Variants in SPOP observed in about 807,000 individuals in gnomAD.
SPOP encodes the protein speckle-type POZ protein.
SPOP carries 11 observed loss-of-function variants against 45.6 expected under a neutral mutation model. The observed-to-expected ratio is 0.24, with a 90% CI of 0.15 to 0.40. The LOEUF is 0.40. SPOP is among the 10% of genes least tolerant of loss of function. The probability of loss-of-function intolerance (pLI) is 1.00; values close to 1 mark genes in which losing one functional copy is unlikely to be tolerated. For missense variants in SPOP, 152 were observed against 465.6 expected, an observed-to-expected ratio of 0.33 and a Z score of 6.20; for synonymous variants, 166 against 166.3, an observed-to-expected ratio of 1.00 and a Z score of 0.01.
chr17:49,637,615 T>C (rs2072566134), intron 1 of SPOP, among the ~76,000 whole-genome samples: 1 of 152,190 alleles, frequency 6.6e-6, no homozygotes, highest in Non-Finnish European at 1.5e-5. Flanking sequence ...CCTCCCAAAG[T>C]GCTGGGATTA....
chr17:49,608,398 G>A (rs1275282243), intron 6 of SPOP, among the ~76,000 whole-genome samples: 2 of 152,136 alleles, frequency 1.3e-5, no homozygotes, highest in African/African-American at 2.4e-5. Flanking sequence ...TGAAGCGCAT[G>A]CTCACCTATG....
chr17:49,624,540 C>G (rs879425712), intron 1 of SPOP, among the ~76,000 whole-genome samples: 10 of 152,172 alleles, frequency 6.6e-5, no homozygotes, highest in Non-Finnish European at 1.0e-4. Context: ...GCAATCTTGG[C>G]TCACTACAAC....
At chr17:49,604,676 C>A (rs1021994645) in intron 8 of SPOP, among the ~76,000 whole-genome samples, 2 of 152,174 alleles carry the variant, frequency 1.3e-5, no homozygotes, top group Admixed American at 1.3e-4. Context: ...CCCATCCTCA[C>A]GCCAACTCTA....
chr17:49,653,506 T>C (rs1006751385), intron 1 of SPOP, among the ~76,000 whole-genome samples: 3 of 152,142 alleles, frequency 2.0e-5, no homozygotes, highest in African/African-American at 7.2e-5. Context: ...TGCCGAATGG[T>C]TTCCATGTTT....
intron 1 of SPOP, among the ~76,000 whole-genome samples, chr17:49,623,448 A>G (rs1458854333): frequency 6.6e-6 from 1 of 152,226 alleles, no homozygotes; most frequent in Non-Finnish European, 1.5e-5. Flanking sequence ...GGGTATTTAA[A>G]GTATATCTAT....
At chr17:49,671,086 G>A (rs1305219784) in intron 1 of SPOP, among the ~76,000 whole-genome samples, 3 of 152,032 alleles carry the variant, frequency 2.0e-5, no homozygotes, top group African/African-American at 4.8e-5. Flanking sequence ...TGGGGACAAC[G>A]GGGTGGTCAA....
chr17:49,650,243 G>A (rs764394925), intron 1 of SPOP, among the ~76,000 whole-genome samples: 4 of 152,052 alleles, frequency 2.6e-5, no homozygotes, highest in South Asian at 2.1e-4. Flanking sequence ...TAGTGGGACC[G>A]GGGAGATGAG....
At chr17:49,627,379 C>A (rs1412040317) in intron 1 of SPOP, among the ~76,000 whole-genome samples, 1 of 152,158 alleles carries the variant, frequency 6.6e-6, no homozygotes, top group Non-Finnish European at 1.5e-5. Flanking sequence ...TTTATTTTTC[C>A]ATTAACAAGT....
At position 49,600,476 on chromosome 17, in the gene SPOP, C is replaced by G. The variant is rs1030014457; in HGVS notation, c.1027G>C (p.Val343Leu). ...LETSGWKSMV[V>L]SHPHLVAEAY... The stretch of plus-strand genomic sequence containing the variant: ...TCAGCCACCAAGTGGGGATGTGACA[C>G]CACCATTGACTTCCACCCAGAGGTC... Residue 343 changes from valine (V) to leucine (L), a missense_variant, in exon 10 of 10, where the codon GTG becomes CTG. Around this residue, in one of 3 missense-constraint regions of SPOP, gnomAD observed 106 missense variants for 255.2 expected, o/e 0.42. Coordinates refer to ENST00000504102, the MANE Select transcript of SPOP (RefSeq NM_001007228.2). This position sits in a 1 kb window ranked among gnomAD's most constrained non-coding sequence, Gnocchi z 4.2. The G allele has an allele frequency of 6.2e-7, 1 of 1,614,092 alleles. No homozygotes were observed. The highest frequency in any genetic ancestry group is 1.3e-5 in the African/African-American group (1 of 75,000).
At chr17:49,658,604 T>C (rs928654366) in intron 1 of SPOP, among the ~76,000 whole-genome samples, 20 of 152,242 alleles carry the variant, frequency 1.3e-4, no homozygotes, top group African/African-American at 4.8e-4. Context: ...TAGCTTTCAC[T>C]GAAGGGAGTT....
At chr17:49,612,618 A>T (rs1255076670) in intron 5 of SPOP, among the ~76,000 whole-genome samples, 2 of 152,252 alleles carry the variant, frequency 1.3e-5, no homozygotes, top group African/African-American at 4.8e-5. Flanking sequence ...GGTACCAAAT[A>T]CAAGGATTTA....
chr17:49,610,794 T>C (rs1026059187), intron 6 of SPOP, among the ~76,000 whole-genome samples: 2 of 152,174 alleles, frequency 1.3e-5, no homozygotes, highest in African/African-American at 4.8e-5. Context: ...TTGAAAACCA[T>C]GGGCCTATTA....
At chr17:49,661,825 C>G (rs1280678221) in intron 1 of SPOP, among the ~76,000 whole-genome samples, 2 of 151,794 alleles carry the variant, frequency 1.3e-5, no homozygotes, top group African/African-American at 4.8e-5. Flanking sequence ...ACCAGCCTGA[C>G]CAACATTGAG....
intron 1 of SPOP, among the ~76,000 whole-genome samples, chr17:49,677,584 G>A (rs1272157662): frequency 6.6e-6 from 1 of 151,984 alleles, no homozygotes; most frequent in Admixed American, 6.6e-5. Context: ...CCGGGGCAGC[G>A]AAGAAGCAGC....
At chr17:49,606,889 T>C (rs1291323332) in intron 8 of SPOP, among the ~76,000 whole-genome samples, 1 of 152,180 alleles carries the variant, frequency 6.6e-6, no homozygotes, top group Non-Finnish European at 1.5e-5. Flanking sequence ...TTAAATACAT[T>C]AATAAACTCA....
intron 1 of SPOP, among the ~76,000 whole-genome samples, chr17:49,627,486 T>C (rs1277576667): frequency 6.6e-6 from 1 of 152,198 alleles, no homozygotes; most frequent in Non-Finnish European, 1.5e-5. Context: ...CAATGAAGGT[T>C]TGATTTTATG....
intron 6 of SPOP, among the ~76,000 whole-genome samples, chr17:49,610,832 G>A (rs1307454865): frequency 6.6e-6 from 1 of 152,094 alleles, no homozygotes; most frequent in African/African-American, 2.4e-5. Flanking sequence ...CCATGTCAGG[G>A]GCAAGAGTTT....
chr17:49,599,901 C>T lies in SPOP; in HGVS notation c.*477G>A, dbSNP rs903701740. 1.2e-4 allele frequency: 27 copies of T among 226,066 alleles called. No individual in the cohort carries two copies. Among genetic ancestry groups the T allele is most frequent in the African/African-American group, 5.6e-4 (25 of 44,882 alleles). The allele number at this position is 226,066 out of a possible 1,614,324, so 14.0% of individuals were successfully genotyped here. On this transcript the variant is annotated 3_prime_UTR_variant, in exon 10 of 10. Transcript: ENST00000504102. ...CAGTTAGAAGGACTAAAATTTGTTT[C>T]TCTCAATATAAATACTACTGGAATC... is the stretch of plus-strand genomic sequence containing the variant.
At chr17:49,618,637 T>C (rs2072141883) in intron 5 of SPOP, 1 of 458,928 alleles carries the variant, frequency 2.2e-6, no homozygotes, top group Non-Finnish European at 4.3e-6. Flanking sequence ...CCAGAAAGTA[T>C]AAACAACAGA....
Sources: gnomAD v4.1 joint callset for allele counts (sites outside exome capture counted in the v4.1 genomes callset) on GRCh38, gnomAD v4.1.1 for gene constraint, gnomAD v4.1.1 regional missense constraint, Gnocchi (gnomAD v3.1) non-coding constraint, MANE v1.5 for transcripts, NCBI Gene and HGNC (gene_info 2026-07-23, HGNC 2026-07-21) for gene names.